SHISA6: variants seen among roughly 807,000 people sequenced by gnomAD.
SHISA6 encodes protein shisa-6.
A neutral mutation model predicts 47.9 loss-of-function variants in SHISA6; 22 were observed. The observed-to-expected ratio is 0.46, with a 90% CI of 0.33 to 0.66. The LOEUF is 0.66. Ranked by LOEUF, SHISA6 falls within the 30% of genes least tolerant of loss-of-function variation. SHISA6 has a pLI of 0.02. For missense variants in SHISA6, 680 were observed against 764.6 expected, an observed-to-expected ratio of 0.89 and a Z score of 1.30; for synonymous variants, 388 against 337.8, an observed-to-expected ratio of 1.15 and a Z score of -1.63.
intron 2 of SHISA6, among the ~76,000 whole-genome samples, chr17:11,326,268 CA>C (rs35905275): frequency 0.035 from 3,804 of 108,972 alleles, 100 homozygotes; most frequent in African/African-American, 0.089. Flanking sequence ...GAGACTCCAT[CA>C]AAAAAAAAAA....
chr17:11,397,807 T>C (rs1913626216), intron 3 of SHISA6, among the ~76,000 whole-genome samples: 1 of 152,086 alleles, frequency 6.6e-6, no homozygotes, highest in Non-Finnish European at 1.5e-5. Context: ...GACATCAGAG[T>C]TGATGATTCC....
intron 3 of SHISA6, among the ~76,000 whole-genome samples, chr17:11,506,086 CA>C (rs1467000228): frequency 6.6e-6 from 1 of 152,182 alleles, no homozygotes; most frequent in Non-Finnish European, 1.5e-5. Flanking sequence ...GGGAACAATG[CA>C]TATCCACGGG....
Position 11,241,272 on chromosome 17 carries a change from T to G in SHISA6, c.-151T>G, listed in dbSNP as rs1907310093. On this transcript the variant is annotated 5_prime_UTR_variant, in exon 1 of 6. Coordinates refer to ENST00000441885, the MANE Select transcript of SHISA6 (RefSeq NM_207386.4). The surrounding 1 kb of genome is among the most constrained non-coding windows in gnomAD (Gnocchi z 5.5). ...GCGCACCGCGCGCCGCCGCCGCCAC[T>G]GCCGCCCGCGCCTCGATGGCGCCAT... 1 of 312,684 alleles carries G rather than the reference T, an allele frequency of 3.2e-6. No individual in the cohort carries two copies. The highest frequency in any genetic ancestry group is 2.3e-5 in the African/African-American group (1 of 43,484). The allele number at this position is 312,684 out of a possible 1,614,324, so 19.4% of individuals were successfully genotyped here.
chr17:11,397,163 GTACT>G (rs773177759), intron 3 of SHISA6, among the ~76,000 whole-genome samples: 1 of 151,754 alleles, frequency 6.6e-6, no homozygotes, highest in Non-Finnish European at 1.5e-5. Flanking sequence ...AGTTACCTTT[GTACT>G]TACTTCTTAA....
At chr17:11,261,848 T>C (rs1908244713) in intron 1 of SHISA6, among the ~76,000 whole-genome samples, 1 of 152,226 alleles carries the variant, frequency 6.6e-6, no homozygotes, top group Admixed American at 6.5e-5. Flanking sequence ...GGGCCATATG[T>C]TAATTCTGCG....
In SHISA6 at chr17:11,481,356, G is replaced by GTATA. The variant is rs1417264013; in HGVS notation, c.896-70539_896-70538insATAT. On this transcript the variant is annotated intron_variant, in intron 3 of 5. Coordinates refer to ENST00000441885, the MANE Select transcript of SHISA6 (RefSeq NM_207386.4). ...TATATATGTGTGTGTGTGTGTGTGT[G>GTATA]TGTGTGTGTGTATATATATATATAT... 2.0e-3 allele frequency among the ~76,000 whole-genome samples: 238 copies of GTATA among 121,186 alleles called. 1 individual carries two copies. Among genetic ancestry groups the GTATA allele is most frequent in the African/African-American group, 5.8e-3 (188 of 32,424 alleles). The allele number at this position is 121,186 out of a possible 152,430, so 79.5% of individuals were successfully genotyped here.
chr17:11,447,891 T>C (rs1915276480), intron 3 of SHISA6, among the ~76,000 whole-genome samples: 1 of 152,102 alleles, frequency 6.6e-6, no homozygotes, highest in South Asian at 2.1e-4. Context: ...TGGAAGCTTG[T>C]CCAACCTGCA....
chr17:11,497,900 T>C (rs1007058365), intron 3 of SHISA6, among the ~76,000 whole-genome samples: 39 of 152,194 alleles, frequency 2.6e-4, no homozygotes, highest in African/African-American at 9.2e-4. Context: ...TGATTGACAG[T>C]ACAAGTCATG....
chr17:11,531,956 C>A (rs549887828), intron 3 of SHISA6, among the ~76,000 whole-genome samples: 4 of 152,110 alleles, frequency 2.6e-5, no homozygotes, highest in Non-Finnish European at 5.9e-5. Context: ...ATAAATATAT[C>A]CAGTTTATTA....
chr17:11,318,896 C>T (rs34507250), intron 2 of SHISA6, among the ~76,000 whole-genome samples: 24,070 of 151,966 alleles, frequency 0.16, 2,282 homozygotes, highest in East Asian at 0.36. Flanking sequence ...GAAGGATATT[C>T]GATTTTGCTC....
At chr17:11,526,115 C>CCA (rs965456365) in intron 3 of SHISA6, among the ~76,000 whole-genome samples, 8 of 151,964 alleles carry the variant, frequency 5.3e-5, no homozygotes, top group Admixed American at 2.6e-4. Context: ...AGGGGACCCC[C>CCA]CCCCGCTCTC....
chr17:11,422,780 A>G (rs1225312004), intron 3 of SHISA6, among the ~76,000 whole-genome samples: 1 of 137,298 alleles, frequency 7.3e-6, no homozygotes, highest in Non-Finnish European at 1.6e-5. Context: ...AAAAAAAAAA[A>G]GTACATCCAG....
intron 1 of SHISA6, among the ~76,000 whole-genome samples, chr17:11,247,282 C>A (rs190796352): frequency 4.6e-5 from 7 of 152,200 alleles, no homozygotes; most frequent in Admixed American, 2.0e-4. Context: ...GGAACCACAA[C>A]AAAAGAAGCT....
chr17:11,265,728 C>T (rs939729467), intron 2 of SHISA6, among the ~76,000 whole-genome samples: 2 of 152,222 alleles, frequency 1.3e-5, no homozygotes, highest in African/African-American at 2.4e-5. Flanking sequence ...TCTCTCTGTT[C>T]GGGTTTTCTT....
At chr17:11,332,132 C>G (rs1174287494) in intron 2 of SHISA6, among the ~76,000 whole-genome samples, 1 of 150,334 alleles carries the variant, frequency 6.7e-6, no homozygotes, top group African/African-American at 2.4e-5. Context: ...TTCAATTATC[C>G]AAGCACCACC....
chr17:11,558,136 C>G lies in SHISA6; in HGVS notation c.1488C>G (p.His496Gln). The G allele has an allele frequency of 1.3e-6, 2 of 1,550,996 alleles. No homozygotes were observed. Among genetic ancestry groups the G allele is most frequent in the Non-Finnish European group, 1.7e-6 (2 of 1,147,008 alleles). Reference sequence around the variant, plus strand: ...ACCGCTACCGCATGAGCAAGATGCACTCTCATCCCAGTGCCTCCAATAACT... The same window carrying G: ...ACCGCTACCGCATGAGCAAGATGCAGTCTCATCCCAGTGCCTCCAATAACT... Reference protein sequence around the residue: ...VLDRYRMSKMHSHPSASNNSY... With the variant: ...VLDRYRMSKMQSHPSASNNSY... The change falls in exon 6 of 6, where the codon CAC (histidine) becomes CAG (glutamine). Residue 496 changes from histidine (H) to glutamine (Q), a missense_variant. Around this residue, in one of 2 missense-constraint regions of SHISA6, gnomAD observed 559 missense variants for 674.1 expected, o/e 0.83. Transcript: ENST00000441885.
At chr17:11,551,715 G>A (rs1243080147) in intron 3 of SHISA6, among the ~76,000 whole-genome samples, 181 bp from the exon 4 acceptor site, 1 of 152,194 alleles carries the variant, frequency 6.6e-6, no homozygotes, top group African/African-American at 2.4e-5. Flanking sequence ...GTTGCAGAAG[G>A]AGAGAGACAG....
chr17:11,420,059 C>T (rs1914408261), intron 3 of SHISA6, among the ~76,000 whole-genome samples: 1 of 152,078 alleles, frequency 6.6e-6, no homozygotes, highest in Non-Finnish European at 1.5e-5. Context: ...CAAAAATTAG[C>T]CGGGTGTGGT....
chr17:11,415,448 G>T (rs1300790898), intron 3 of SHISA6, among the ~76,000 whole-genome samples: 1 of 152,172 alleles, frequency 6.6e-6, no homozygotes, highest in Non-Finnish European at 1.5e-5. Context: ...TGGTTCATAA[G>T]TATCAGCTGA....
Sources: gnomAD v4.1 joint callset for allele counts (sites outside exome capture counted in the v4.1 genomes callset) on GRCh38, gnomAD v4.1.1 for gene constraint, gnomAD v4.1.1 regional missense constraint, Gnocchi (gnomAD v3.1) non-coding constraint, MANE v1.5 for transcripts, NCBI Gene and HGNC (gene_info 2026-07-23, HGNC 2026-07-21) for gene names.